BEND7: variants seen among roughly 807,000 people sequenced by gnomAD.
The protein encoded by BEND7 is BEN domain containing 7, also known as BEN domain-containing protein 7.
BEND7 carries 28 observed loss-of-function variants against 50.9 expected under a neutral mutation model. The observed-to-expected ratio is 0.55, with a 90% confidence interval of 0.41 to 0.75. BEND7 has a LOEUF of 0.75. BEND7 is among the 30% of genes least tolerant of loss of function. The pLI is 0.00. For synonymous variants in BEND7, 170 were observed against 183.9 expected (o/e 0.92, Z 0.61); for missense variants, 477 against 491.3 (o/e 0.97, Z 0.28).
chr10:13,481,624 C>G (rs1168406232), intron 5 of BEND7, among the ~76,000 whole-genome samples: 1 of 152,244 alleles, frequency 6.6e-6, no homozygotes, highest in Non-Finnish European at 1.5e-5. Flanking sequence ...CTGGCTCCTT[C>G]TACTATGCCA....
At chr10:13,506,999 C>T (rs1272882388) in intron 2 of BEND7, among the ~76,000 whole-genome samples, 2 of 152,028 alleles carry the variant, frequency 1.3e-5, no homozygotes, top group Admixed American at 1.3e-4. Flanking sequence ...CAATGGGAAA[C>T]GCAGCTACTG....
rs118012425 is a variant in BEND7, at chr10:13,518,152, A to G, written c.145+7986T>C. Among the ~76,000 whole-genome samples the G allele has an allele frequency of 8.7e-3, 1,318 of 152,336 alleles. 7 individuals carry two copies. Among genetic ancestry groups the G allele is most frequent in the Non-Finnish European group, 0.014 (976 of 68,030 alleles). On this transcript the variant is annotated intron_variant, in intron 2 of 8. Coordinates refer to ENST00000466271, the MANE Select transcript of BEND7 (RefSeq NM_001369863.1). ...CAATGATTTGGTCATGACCAGTGTA[A>G]GAAAAGTAAAAGACCACAATATATC...
chr10:13,520,301 C>T (rs1361095257), intron 2 of BEND7, among the ~76,000 whole-genome samples: 1 of 152,122 alleles, frequency 6.6e-6, no homozygotes, highest in Non-Finnish European at 1.5e-5. Flanking sequence ...TTCTTCCCAG[C>T]AGGAGGGGCT....
intron 2 of BEND7, among the ~76,000 whole-genome samples, chr10:13,517,850 T>C (rs576748608): frequency 6.7e-6 from 1 of 150,370 alleles, no homozygotes; most frequent in African/African-American, 2.4e-5. Flanking sequence ...GGTTCAGGTT[T>C]CTGCCCTTCG....
At chr10:13,519,908 A>C (rs1397605175) in intron 2 of BEND7, among the ~76,000 whole-genome samples, 2 of 152,210 alleles carry the variant, frequency 1.3e-5, no homozygotes, top group Non-Finnish European at 2.9e-5. Context: ...GGCAGAGATG[A>C]GAATGGGAAG....
chr10:13,490,678 A>G (rs2076589765), intron 5 of BEND7, among the ~76,000 whole-genome samples: 1 of 152,222 alleles, frequency 6.6e-6, no homozygotes, highest in Admixed American at 6.5e-5. Flanking sequence ...CCTCCTGCCC[A>G]CAGATAAAGG....
intron 6 of BEND7, chr10:13,459,401 T>C (rs2131235817): frequency 6.6e-6 from 1 of 152,352 alleles, no homozygotes; most frequent in Middle Eastern, 3.4e-3. Flanking sequence ...GAGTATATCT[T>C]TTCTCCAATA....
downstream of BEND7, chr10:13,439,385 G>A (rs1050900160): frequency 4.3e-6 from 7 of 1,614,016 alleles, no homozygotes; most frequent in Admixed American, 3.3e-5. Context: ...GCTCCTCCCA[G>A]GGTTCTGCCA....
At chr10:13,463,163 G>C (rs1338827087) in intron 6 of BEND7, among the ~76,000 whole-genome samples, 5 of 149,086 alleles carry the variant, frequency 3.4e-5, no homozygotes. Context: ...TGAAAAATCA[G>C]ACCTTGGTGA....
chr10:13,501,280 A>G (rs1209772124), intron 2 of BEND7, among the ~76,000 whole-genome samples: 1 of 150,112 alleles, frequency 6.7e-6, no homozygotes, highest in African/African-American at 2.4e-5. Flanking sequence ...AGGCTGAGCC[A>G]GGAGAACCCG....
chr10:13,476,430 C>T (rs751144262), intron 6 of BEND7, among the ~76,000 whole-genome samples: 5 of 152,204 alleles, frequency 3.3e-5, no homozygotes, highest in Non-Finnish European at 7.3e-5. Context: ...ACAAGGTCTT[C>T]ACTTGACGTG....
chr10:13,489,821 G>C (rs911990546), intron 5 of BEND7, among the ~76,000 whole-genome samples: 47 of 152,180 alleles, frequency 3.1e-4, no homozygotes, highest in African/African-American at 1.1e-3. Flanking sequence ...TCTCCTTAAA[G>C]CTAAGTCCTA....
At chr10:13,507,383 C>A (rs1220803052) in intron 2 of BEND7, among the ~76,000 whole-genome samples, 17 of 152,162 alleles carry the variant, frequency 1.1e-4, no homozygotes, top group Non-Finnish European at 2.1e-4. Flanking sequence ...AGAATGGACA[C>A]AGGGCGTCTG....
intron 6 of BEND7, chr10:13,480,592 G>T: frequency 1.4e-6 from 1 of 691,072 alleles, no homozygotes; most frequent in Non-Finnish European, 1.7e-6. Context: ...TTCTGAGGAA[G>T]CTCTTAGAAA....
At position 13,492,665 on chromosome 10, in the gene BEND7, C is replaced by T. The variant is rs779345049; in HGVS notation, c.783G>A (p.Pro261=). 67 of 1,614,010 alleles carry T rather than the reference C, an allele frequency of 4.2e-5. No individual in the cohort carries two copies. In the East Asian group the frequency reaches 1.1e-3, roughly 26 times the overall value. ...CGAATCCTAGAACGCGGCTCTCCTC[C>T]GGGGAGGTGTGCTCGGCTGCCTGGA... ...SALQAAEHTS[P]EESRVLGFGI... The change falls in exon 5 of 9, where the codon CCG becomes CCA. Residue 261 remains proline (P), a synonymous_variant. Coordinates refer to ENST00000466271, the MANE Select transcript of BEND7 (RefSeq NM_001369863.1).
intron 6 of BEND7, among the ~76,000 whole-genome samples, chr10:13,459,122 TAAAC>T (rs1839667497): frequency 6.6e-6 from 1 of 152,272 alleles, no homozygotes; most frequent in East Asian, 1.9e-4. Flanking sequence ...GGTTGAATGG[TAAAC>T]AAACAAAGCC....
intron 6 of BEND7, among the ~76,000 whole-genome samples, chr10:13,460,805 G>C (rs924382704): frequency 6.6e-6 from 1 of 152,338 alleles, no homozygotes; most frequent in East Asian, 1.9e-4. Context: ...ACTGGGGGGA[G>C]GGTTACAAAT....
intron 4 of BEND7, among the ~76,000 whole-genome samples, chr10:13,493,733 T>C (rs1310107937): frequency 6.6e-6 from 1 of 152,252 alleles, no homozygotes; most frequent in African/African-American, 2.4e-5. Context: ...AAGTTATGTT[T>C]GCTAGCCATT....
At chr10:13,522,313 T>TA (rs2079136247) in intron 2 of BEND7, among the ~76,000 whole-genome samples, 1 of 152,230 alleles carries the variant, frequency 6.6e-6, no homozygotes. Context: ...AGTGCCCTGC[T>TA]AGCAGCTAAG....
Sources: allele counts gnomAD v4.1 joint callset (sites outside exome capture counted in the v4.1 genomes callset), GRCh38; gene constraint gnomAD v4.1.1; transcripts MANE v1.5; gene names NCBI Gene and HGNC (gene_info 2026-07-23, HGNC 2026-07-21).